Variants in MBD5 observed in about 807,000 individuals in gnomAD.
MBD5 encodes methyl-CpG binding domain protein 5.
A neutral mutation model predicts 117.3 loss-of-function variants in MBD5; 13 were observed. The ratio of observed to expected loss-of-function variants is 0.11; its 90% confidence interval spans 0.07 to 0.18. The LOEUF is 0.18. Among genes scored for constraint, MBD5 ranks in the 10% least tolerant of loss-of-function variants. The pLI, the probability that MBD5 is intolerant of heterozygous loss-of-function variation, is 1.00. For synonymous variants in MBD5, 727 were observed against 766.4 expected, an observed-to-expected ratio of 0.95 and a Z score of 0.85; for missense variants, 1,879 against 2,093.8, an observed-to-expected ratio of 0.90 and a Z score of 2.00.
intron 1 of MBD5, among the ~76,000 whole-genome samples, chr2:148,176,444 G>T (rs1450314611): frequency 6.8e-6 from 1 of 147,160 alleles, no homozygotes; most frequent in East Asian, 2.0e-4. Flanking sequence ...TTGCTCTGTT[G>T]CCCAGGCTAG....
chr2:148,254,261 G>C (rs1227408823), intron 3 of MBD5, among the ~76,000 whole-genome samples: 1 of 152,296 alleles, frequency 6.6e-6, no homozygotes, highest in South Asian at 2.1e-4. Context: ...AGGGATAAAG[G>C]TAAAACATTG....
intron 4 of MBD5, among the ~76,000 whole-genome samples, chr2:148,355,966 T>C (rs896999065): frequency 1.3e-5 from 2 of 152,224 alleles, no homozygotes; most frequent in Admixed American, 1.3e-4. Flanking sequence ...GGAATGTTTT[T>C]CCATTTGTTT....
chr2:148,445,914 T>G (rs1706493783), intron 4 of MBD5, among the ~76,000 whole-genome samples: 1 of 151,478 alleles, frequency 6.6e-6, no homozygotes, highest in African/African-American at 2.5e-5. Flanking sequence ...CATGTGTCTG[T>G]TGGCTGCATA....
chr2:148,502,286 T>C, intron 11 of MBD5, 150 bp from the exon 12 acceptor site: 1 of 714,724 alleles, frequency 1.4e-6, no homozygotes, highest in Non-Finnish European at 2.6e-6. Flanking sequence ...CTCTAATGAT[T>C]GAGTGAGGAC....
At chr2:148,394,295 G>T (rs972222376) in intron 4 of MBD5, among the ~76,000 whole-genome samples, 1 of 152,012 alleles carries the variant, frequency 6.6e-6, no homozygotes, top group Non-Finnish European at 1.5e-5. Flanking sequence ...TGAAAATTTG[G>T]TAGAATCTAC....
intron 3 of MBD5, among the ~76,000 whole-genome samples, chr2:148,266,716 T>A (rs921122924): frequency 1.3e-5 from 2 of 152,056 alleles, no homozygotes; most frequent in African/African-American, 4.8e-5. Context: ...AAGAAAAAGC[T>A]TACCAGTAAT....
chr2:148,449,090 T>C (rs1706649698), intron 4 of MBD5, among the ~76,000 whole-genome samples: 1 of 152,176 alleles, frequency 6.6e-6, no homozygotes, highest in Non-Finnish European at 1.5e-5. Flanking sequence ...TATAACTCGT[T>C]GCTATTCTTT....
At chr2:148,440,319 C>G (rs943897166) in intron 4 of MBD5, among the ~76,000 whole-genome samples, 1 of 152,172 alleles carries the variant, frequency 6.6e-6, no homozygotes, top group Non-Finnish European at 1.5e-5. Flanking sequence ...TGATTTGTTA[C>G]TTCATCTCTG....
intron 2 of MBD5, among the ~76,000 whole-genome samples, chr2:148,197,168 G>T (rs186635685): frequency 2.0e-4 from 30 of 152,194 alleles, no homozygotes; most frequent in African/African-American, 7.0e-4. Flanking sequence ...ATCCCGTTCT[G>T]CTAGGATCTC....
chr2:148,498,405 C>T (rs538197492), intron 11 of MBD5, among the ~76,000 whole-genome samples: 5 of 152,244 alleles, frequency 3.3e-5, no homozygotes, highest in African/African-American at 1.2e-4. Context: ...TGGAGTCTCT[C>T]GGCTCACTGC....
intron 3 of MBD5, among the ~76,000 whole-genome samples, chr2:148,241,191 T>A (rs1333114835): frequency 6.6e-6 from 1 of 152,146 alleles, no homozygotes; most frequent in Non-Finnish European, 1.5e-5. Flanking sequence ...TTCTGAAGAG[T>A]ATTGACCTTT....
intron 1 of MBD5, chr2:148,025,371 A>G (rs969855197): frequency 6.6e-6 from 1 of 152,156 alleles, no homozygotes; most frequent in African/African-American, 2.4e-5. Flanking sequence ...ATACAAATAT[A>G]TAAAGAAAAA....
At chr2:148,145,677 A>G (rs932551387) in intron 1 of MBD5, among the ~76,000 whole-genome samples, 3 of 152,182 alleles carry the variant, frequency 2.0e-5, no homozygotes, top group Non-Finnish European at 2.9e-5. Context: ...GAATTTTGTC[A>G]AAAGCCTTTT....
At chr2:148,098,076 G>A (rs780810641) in intron 1 of MBD5, among the ~76,000 whole-genome samples, 1 of 152,178 alleles carries the variant, frequency 6.6e-6, no homozygotes, top group Non-Finnish European at 1.5e-5. Context: ...TTTGAGTAAC[G>A]TGAGGAGAGT....
At chr2:148,155,001 A>G (rs891372815) in intron 1 of MBD5, among the ~76,000 whole-genome samples, 2 of 152,210 alleles carry the variant, frequency 1.3e-5, no homozygotes, top group Non-Finnish European at 2.9e-5. Context: ...ATAGGCCCTG[A>G]AGGTGCAATA....
Position 148,342,500 on chromosome 2 carries a change from T to A in MBD5, c.-557+164T>A, listed in dbSNP as rs557227818. Reference sequence around the variant, plus strand: ...ACACGTTGCCTCTAAAAATTATTTCTATTGGAAAATGAATACATGTTTACT... The same window carrying A: ...ACACGTTGCCTCTAAAAATTATTTCAATTGGAAAATGAATACATGTTTACT... On this transcript the variant is annotated intron_variant, in intron 4 of 13. Transcript: ENST00000642680. Among the ~76,000 whole-genome samples, 5 of 152,138 alleles carry A rather than the reference T, an allele frequency of 3.3e-5. No individual in the cohort carries two copies. The South Asian group carries it at 1.0e-3, about 32-fold the overall frequency.
At chr2:148,165,916 T>C (rs954693944) in intron 1 of MBD5, among the ~76,000 whole-genome samples, 1 of 152,186 alleles carries the variant, frequency 6.6e-6, no homozygotes, top group Non-Finnish European at 1.5e-5. Context: ...ATTTGAATAG[T>C]TATTTTTCTG....
intron 4 of MBD5, among the ~76,000 whole-genome samples, chr2:148,424,204 A>C (rs1282588866): frequency 2.3e-5 from 3 of 131,650 alleles, no homozygotes; most frequent in Non-Finnish European, 4.9e-5. Context: ...AAAAAAAAAA[A>C]AAAAAAAAAA....
chr2:148,118,439 T>A (rs539010836), intron 1 of MBD5, among the ~76,000 whole-genome samples: 2,096 of 149,384 alleles, frequency 0.014, 20 homozygotes, highest in African/African-American at 0.037. Context: ...AAAAAAAATA[T>A]ATATATATAT....
Sources: gnomAD v4.1 joint callset for allele counts (sites outside exome capture counted in the v4.1 genomes callset) on GRCh38, gnomAD v4.1.1 for gene constraint, MANE v1.5 for transcripts, NCBI Gene and HGNC (gene_info 2026-07-23, HGNC 2026-07-21) for gene names.